The following YY1AP1 variants were observed in gnomAD, a reference collection of about 807,000 sequenced individuals.
The protein encoded by YY1AP1 is YY1-associated protein 1.
Under a neutral mutation model 39.9 loss-of-function variants are expected in YY1AP1, and 43 were observed. The observed-to-expected ratio is 1.08, with a 90% CI of 0.84 to 1.39. The LOEUF is 1.39. Among genes scored for constraint, YY1AP1 ranks in the 40% most tolerant of loss-of-function variants. The pLI, the probability that YY1AP1 is intolerant of heterozygous loss-of-function variation, is 0.00. For missense variants in YY1AP1, 813 were observed against 900.7 expected, an observed-to-expected ratio of 0.90 and a Z score of 1.25; for synonymous variants, 292 against 331.3, an observed-to-expected ratio of 0.88 and a Z score of 1.29.
chr1:155,673,502 T>C (rs1470495320), intron 6 of YY1AP1, among the ~76,000 whole-genome samples: 3 of 152,112 alleles, frequency 2.0e-5, no homozygotes, highest in Admixed American at 2.0e-4. Flanking sequence ...CTGAGAGTAT[T>C]ATCATTACCT....
chr1:155,688,717 C>T lies in YY1AP1; in HGVS notation c.-210G>A. On this transcript the variant is annotated 5_prime_UTR_variant, in exon 1 of 11. Coordinates refer to ENST00000355499, the MANE Select transcript of YY1AP1 (RefSeq NM_139119.3). ...CCTCTTCTCTCCTCCCCCTCCCTCCCCGCCCGCACGGCCACCAACCGCCGC... is the reference window on the plus strand; with the variant it reads ...CCTCTTCTCTCCTCCCCCTCCCTCCTCGCCCGCACGGCCACCAACCGCCGC... 6.6e-7 allele frequency: 1 copy of T among 1,520,754 alleles called. No individual in the cohort carries two copies. The highest frequency in any genetic ancestry group is 8.8e-7 in the Non-Finnish European group (1 of 1,141,034). The allele number at this position is 1,520,754 out of a possible 1,614,324, so 94.2% of individuals were successfully genotyped here.
rs1647781669 is a variant in YY1AP1, at chr1:155,659,959, C to T, written c.1951G>A (p.Ala651Thr). The T allele has an allele frequency of 1.9e-6, 3 of 1,614,098 alleles. No homozygotes were observed. Among genetic ancestry groups the T allele is most frequent in the African/African-American group, 1.3e-5 (1 of 74,918 alleles). ...IACAVADGEN[A>T]FQGLEPKLEP... Reference sequence around the variant, plus strand: ...AATTTGGGTTCTAGGCCCTGAAAGGCATTTTCCCCATCAGCCACAGCACAA... The same window carrying T: ...AATTTGGGTTCTAGGCCCTGAAAGGTATTTTCCCCATCAGCCACAGCACAA... The change falls in exon 11 of 11, where the codon GCC (alanine) becomes ACC (threonine). Residue 651 changes from alanine to threonine, a missense_variant. Transcript: ENST00000355499.
At chr1:155,662,177 A>C (rs1184572990) in intron 9 of YY1AP1, among the ~76,000 whole-genome samples, 1 of 152,040 alleles carries the variant, frequency 6.6e-6, no homozygotes, top group Non-Finnish European at 1.5e-5. Context: ...AAAAAAAAAA[A>C]GACCGAGGCA....
intron 8 of YY1AP1, among the ~76,000 whole-genome samples, chr1:155,669,883 T>C (rs1410570693): frequency 1.3e-5 from 2 of 152,132 alleles, no homozygotes; most frequent in African/African-American, 2.4e-5. Flanking sequence ...ATCAGCCATG[T>C]ATGGTGGCAC....
rs754902330 is a variant in YY1AP1 at position 155,660,650 on chromosome 1, G to A, written c.1260C>T (p.Ser420=). The A allele has an allele frequency of 3.1e-6, 5 of 1,614,212 alleles. No homozygotes were observed. The highest frequency in any genetic ancestry group is 4.2e-6 in the Non-Finnish European group (5 of 1,180,038). The change falls in exon 11 of 11, where the codon AGC becomes AGT. Residue 420 remains serine, a synonymous_variant. Coordinates refer to ENST00000355499, the MANE Select transcript of YY1AP1 (RefSeq NM_139119.3). The part of the protein sequence containing the change: ...SVLKPLLIQP[S]PSLQPSFNPG... Reference sequence around the variant, plus strand: ...GGTTGAAGCTGGGCTGGAGAGAGGGGCTGGGTTGGATAAGGAGGGGTTTCA... The same window carrying A: ...GGTTGAAGCTGGGCTGGAGAGAGGGACTGGGTTGGATAAGGAGGGGTTTCA...
intron 2 of YY1AP1, 136 bp downstream of exon 2, chr1:155,687,935 T>A (rs1652744794): frequency 2.9e-6 from 3 of 1,022,382 alleles, no homozygotes; most frequent in Admixed American, 3.0e-5. Flanking sequence ...CCCTCCCTGC[T>A]CTCCCCTCCC....
chr1:155,671,023 T>TA (rs1029794871), intron 7 of YY1AP1: 1 of 155,946 alleles, frequency 6.4e-6, no homozygotes, highest in Non-Finnish European at 1.4e-5. Flanking sequence ...AACAAACACT[T>TA]AAAAAGTACC....
chr1:155,682,393 T>TA (rs1651649243), intron 2 of YY1AP1, among the ~76,000 whole-genome samples: 1 of 152,190 alleles, frequency 6.6e-6, no homozygotes, highest in Non-Finnish European at 1.5e-5. Context: ...ATTTAGAAGA[T>TA]AAAAAATAGA....
intron 9 of YY1AP1, among the ~76,000 whole-genome samples, chr1:155,666,613 G>A (rs1245109566): frequency 6.6e-6 from 1 of 152,118 alleles, no homozygotes; most frequent in Non-Finnish European, 1.5e-5. Context: ...AATACACCAG[G>A]CAGTACCAAT....
chr1:155,661,540 C>T, intron 9 of YY1AP1, 117 bp from the exon 10 acceptor site: 1 of 1,560,320 alleles, frequency 6.4e-7, no homozygotes, highest in Non-Finnish European at 8.8e-7. Flanking sequence ...CACACACACA[C>T]ACACACACAC....
At chr1:155,667,903 AATACATACATACATAC>A (rs57719884) in intron 9 of YY1AP1, among the ~76,000 whole-genome samples, 8 of 150,322 alleles carry the variant, frequency 5.3e-5, no homozygotes, top group African/African-American at 1.7e-4. Flanking sequence ...ACTCCATCTC[AATACATACATACATAC>A]ATACATACAT....
In YY1AP1 at chr1:155,659,725, C is replaced by T; in HGVS notation, c.2185G>A (p.Gly729Arg). Residue 729 changes from glycine (G) to arginine (R), a missense_variant, in exon 11 of 11, where the codon GGG becomes AGG. Transcript: ENST00000355499. ...ATCTTGACAACTTCCTCTAAATCCC[C>T]AGGGGAAGAGTTGTTTAGAGACTCC... ...IQESLNNSSP[G>R]DLEEVVKMEP... 1 of 1,614,226 alleles carries T rather than the reference C, an allele frequency of 6.2e-7. No homozygotes were observed. Among genetic ancestry groups the T allele is most frequent in the Non-Finnish European group, 8.5e-7 (1 of 1,180,046 alleles).
chr1:155,688,574 C>A (rs1427654619), intron 1 of YY1AP1, 85 bp downstream of exon 1: 4 of 1,537,514 alleles, frequency 2.6e-6, no homozygotes, highest in South Asian at 2.4e-5. Flanking sequence ...CCCGTACGCG[C>A]TCACCCACGG....
At chr1:155,668,902 C>A in intron 8 of YY1AP1, 125 bp from the exon 9 acceptor site, 1 of 1,432,394 alleles carries the variant, frequency 7.0e-7, no homozygotes. Context: ...CTCACTCTGT[C>A]ACCTGGGCTG....
intron 5 of YY1AP1, 89 bp from the exon 6 acceptor site, chr1:155,675,185 G>C: frequency 1.6e-6 from 2 of 1,248,092 alleles, no homozygotes; most frequent in South Asian, 2.6e-5. Flanking sequence ...CCTGGAGACA[G>C]GGTCTTGCTC....
chr1:155,665,141 T>C (rs996907912), intron 9 of YY1AP1, among the ~76,000 whole-genome samples: 1 of 151,884 alleles, frequency 6.6e-6, no homozygotes, highest in East Asian at 2.0e-4. Context: ...AATGGGGCCA[T>C]GCAGGGTGGC....
chr1:155,663,403 A>G (rs948810448), intron 9 of YY1AP1, among the ~76,000 whole-genome samples: 39 of 148,828 alleles, frequency 2.6e-4, no homozygotes, highest in African/African-American at 9.0e-4. Flanking sequence ...CTGCAGAAGA[A>G]TAAGGTTTAT....
chr1:155,670,511 G>C, intron 7 of YY1AP1, 47 bp from the exon 8 acceptor site: 1 of 1,609,626 alleles, frequency 6.2e-7, no homozygotes, highest in Non-Finnish European at 8.5e-7. Context: ...GGAAAAAAGA[G>C]GGCTTCAAAA....
chr1:155,671,527 C>T (rs753768683), intron 7 of YY1AP1, among the ~76,000 whole-genome samples: 1 of 152,042 alleles, frequency 6.6e-6, no homozygotes, highest in Admixed American at 6.6e-5. Flanking sequence ...TCTTAACTTT[C>T]ATTAAGTTCT....
Sources: allele counts gnomAD v4.1 joint callset (sites outside exome capture counted in the v4.1 genomes callset), GRCh38; gene constraint gnomAD v4.1.1; transcripts MANE v1.5; gene names NCBI Gene and HGNC (gene_info 2026-07-23, HGNC 2026-07-21).